PSPC1: variants seen among roughly 807,000 people sequenced by gnomAD.
PSPC1 encodes paraspeckle protein 1.
In PSPC1, 14 loss-of-function variants were observed where a neutral mutation model predicts 51.6. The ratio of observed to expected loss-of-function variants is 0.27; its 90% CI spans 0.18 to 0.42. PSPC1 has a LOEUF of 0.42. PSPC1 is among the 10% of genes least tolerant of loss of function. The pLI, the probability that PSPC1 is intolerant of heterozygous loss-of-function variation, is 1.00. For synonymous variants in PSPC1, 193 were observed against 231.9 expected (o/e 0.83, Z 1.53); for missense variants, 406 against 701.1 (o/e 0.58, Z 4.75).
chr13:19,776,673 A>T (rs1889159255), intron 1 of PSPC1, among the ~76,000 whole-genome samples: 1 of 151,806 alleles, frequency 6.6e-6, no homozygotes, highest in African/African-American at 2.4e-5. Flanking sequence ...ACAATTGGCT[A>T]ATTTTTTGTA....
intron 5 of PSPC1, among the ~76,000 whole-genome samples, chr13:19,730,966 A>C (rs1472708617): frequency 2.0e-4 from 5 of 25,502 alleles, no homozygotes; most frequent in African/African-American, 1.5e-4. Flanking sequence ...ACAAAAAAAC[A>C]AAAAAAAAAA....
chr13:19,717,620 C>T (rs562375926), intron 6 of PSPC1, among the ~76,000 whole-genome samples: 9 of 149,256 alleles, frequency 6.0e-5, no homozygotes, highest in African/African-American at 2.0e-4. Flanking sequence ...GCAGGAAAAT[C>T]GCTTGAAACC....
exon 7 of PSPC1, chr13:19,677,807 C>T: frequency 2.0e-6 from 1 of 491,484 alleles, no homozygotes; most frequent in Non-Finnish European, 4.1e-6. Flanking sequence ...ACTTCAGCCA[C>T]ATTTTCTTTT....
At chr13:19,758,238 G>A (rs547441106) in intron 3 of PSPC1, among the ~76,000 whole-genome samples, 1 of 152,124 alleles carries the variant, frequency 6.6e-6, no homozygotes, top group African/African-American at 2.4e-5. Context: ...GTGTGAACCC[G>A]GGAGATGGAG....
At chr13:19,726,338 G>T (rs1414470056) in intron 6 of PSPC1, among the ~76,000 whole-genome samples, 2 of 152,134 alleles carry the variant, frequency 1.3e-5, no homozygotes. Flanking sequence ...AAAGAAATAA[G>T]CAAGGTGTAG....
chr13:19,774,514 T>C (rs1185558954), intron 1 of PSPC1, among the ~76,000 whole-genome samples: 2 of 152,148 alleles, frequency 1.3e-5, no homozygotes, highest in African/African-American at 4.8e-5. Flanking sequence ...TCAAAAATAT[T>C]TGGGGCCAGG....
intron 2 of PSPC1, among the ~76,000 whole-genome samples, chr13:19,760,335 A>G (rs1887496956): frequency 6.6e-6 from 1 of 151,866 alleles, no homozygotes; most frequent in Non-Finnish European, 1.5e-5. Context: ...TGAGACCAAC[A>G]TGGCCAACGT....
chr13:19,780,955 G>A (rs1277890539), intron 1 of PSPC1, among the ~76,000 whole-genome samples: 1 of 151,880 alleles, frequency 6.6e-6, no homozygotes, highest in African/African-American at 2.4e-5. Flanking sequence ...CCAGGAATTC[G>A]AAAGCAACCT....
Position 19,782,847 on chromosome 13 carries a change from GC to G in PSPC1, c.-91del, listed in dbSNP as rs772789514. ...TGTATACGTCTCTACATAAACCTAT[GC>G]CAACAAAATATCGACAATCAAGAGA... On this transcript the variant is annotated 5_prime_UTR_variant, in exon 1 of 9. It removes the in-frame stop codon of an upstream open reading frame in the 5' UTR. Transcript: ENST00000338910. This position sits in a 1 kb window ranked among gnomAD's most constrained non-coding sequence, Gnocchi z 4.5. The G allele has an allele frequency of 1.1e-5, 15 of 1,337,704 alleles. No individual in the cohort carries two copies. In the East Asian group the frequency reaches 2.8e-4, roughly 25 times the overall value. The allele number at this position is 1,337,704 out of a possible 1,614,324, so 82.9% of individuals were successfully genotyped here. A position where few individuals can be genotyped will look rare whatever the true frequency, so the allele number is the denominator to read the frequency against.
At chr13:19,717,460 G>C (rs1488519546) in intron 6 of PSPC1, among the ~76,000 whole-genome samples, 2 of 151,158 alleles carry the variant, frequency 1.3e-5, no homozygotes, top group Non-Finnish European at 3.0e-5. Context: ...AATCCAAGCA[G>C]TTTGGGAGGC....
At position 19,772,337 on chromosome 13, in the gene PSPC1, A is replaced by G. The variant is rs1237190342; in HGVS notation, c.579T>C (p.Gly193=). Residue 193 remains glycine, a synonymous_variant, in exon 2 of 9, where the codon GGT becomes GGC. Coordinates refer to ENST00000338910, the MANE Select transcript of PSPC1 (RefSeq NM_001354909.2). ...CTACAAAACCTTTTCCTGTAGCTCT[A>G]CCGCGATCATCCACAACCACAACAG... ...EKAVVVVDDR[G]RATGKGFVEF... is the part of the protein sequence containing the mutation. 6 of 1,614,228 alleles carry G rather than the reference A, an allele frequency of 3.7e-6. No individual in the cohort carries two copies. The highest frequency in any genetic ancestry group is 3.4e-6 in the Non-Finnish European group (4 of 1,180,046).
At chr13:19,774,030 C>G (rs1888863945) in intron 1 of PSPC1, among the ~76,000 whole-genome samples, 1 of 152,106 alleles carries the variant, frequency 6.6e-6, no homozygotes, top group South Asian at 2.1e-4. Flanking sequence ...TGAAGAGAAA[C>G]AAAGGCAACA....
intron 1 of PSPC1, among the ~76,000 whole-genome samples, chr13:19,779,359 G>A (rs1248753172): frequency 9.4e-6 from 1 of 106,214 alleles, no homozygotes; most frequent in Non-Finnish European, 2.0e-5. Context: ...CCGGCCAGCC[G>A]TGCCGTCCGG....
chr13:19,744,719 C>T (rs187171930), intron 4 of PSPC1, among the ~76,000 whole-genome samples: 204 of 152,258 alleles, frequency 1.3e-3, no homozygotes, highest in African/African-American at 4.6e-3. Flanking sequence ...CGCCCACAAC[C>T]GCGCCCAGCT....
downstream of PSPC1, among the ~76,000 whole-genome samples, chr13:19,701,364 A>G (rs1021496978): frequency 6.6e-6 from 1 of 151,202 alleles, no homozygotes; most frequent in African/African-American, 2.4e-5. Context: ...ATATCACTGA[A>G]AAACTGTAAT....
At chr13:19,730,968 A>AAC (rs1555236505) in intron 5 of PSPC1, among the ~76,000 whole-genome samples, 2 of 141,892 alleles carry the variant, frequency 1.4e-5, no homozygotes, top group Non-Finnish European at 3.2e-5. Flanking sequence ...AAAAAAACAA[A>AAC]AAAAAAAAAA....
chr13:19,710,286 A>G (rs1252619765), intron 6 of PSPC1, among the ~76,000 whole-genome samples: 1 of 152,226 alleles, frequency 6.6e-6, no homozygotes, highest in Admixed American at 6.5e-5. Flanking sequence ...TATTCAGAAC[A>G]TTTGAAATTT....
chr13:19,684,857 C>T (rs1877685312), intron 6 of PSPC1, among the ~76,000 whole-genome samples: 1 of 152,152 alleles, frequency 6.6e-6, no homozygotes. Flanking sequence ...GAAGTGTATC[C>T]AGTAACTGTA....
At chr13:19,673,098 GTT>G (rs10531847), downstream of PSPC1, 274,709 of 407,534 alleles carry the variant, frequency 0.67, 87,829 homozygotes, top group East Asian at 0.78. Context: ...GTTTTTTTTT[GTT>G]TTTTTTTTTT....
Sources: allele counts gnomAD v4.1 joint callset (sites outside exome capture counted in the v4.1 genomes callset), GRCh38; gene constraint gnomAD v4.1.1; non-coding constraint Gnocchi (gnomAD v3.1); transcripts MANE v1.5; gene names NCBI Gene and HGNC (gene_info 2026-07-23, HGNC 2026-07-21).